Variants in DEDD2 observed in about 807,000 individuals in gnomAD.
DEDD2 encodes the protein DNA-binding death effector domain-containing protein 2.
A neutral mutation model predicts 28.9 loss-of-function variants in DEDD2; 18 were observed. That is an observed-to-expected ratio of 0.62 (90% CI 0.43 to 0.92). DEDD2 has a LOEUF of 0.92. DEDD2 is among the 40% of genes least tolerant of loss of function. DEDD2 has a pLI of 0.00. For synonymous variants in DEDD2, 211 were observed against 206.1 expected (o/e 1.02, Z -0.20); for missense variants, 411 against 463.3 (o/e 0.89, Z 1.04).
At chr19:42,215,055 CT>C (rs2035910757) in intron 3 of DEDD2, 77 bp downstream of exon 3, 8 of 1,584,350 alleles carry the variant, frequency 5.0e-6, no homozygotes, top group Non-Finnish European at 6.9e-6. Context: ...AGAATAACCC[CT>C]CAGGCCCCTT....
At chr19:42,210,639 C>G (rs1332744134) in intron 3 of DEDD2, among the ~76,000 whole-genome samples, 1 of 152,028 alleles carries the variant, frequency 6.6e-6, no homozygotes, top group African/African-American at 2.4e-5. Flanking sequence ...AGTGATCCAC[C>G]CGCCTCGGCC....
At position 42,215,183 on chromosome 19, in the gene DEDD2, C is replaced by A. The variant is rs535277377; in HGVS notation, c.398G>T (p.Arg133Leu). ...ATTTGCAGAACTGCTTGACTGCCGA[C>A]GGCGACGGCAGCTACCCTCTGTCCT... The part of the protein sequence containing the change: ...SKRTEGSCRR[R>L]RQSSSSANSQ... The change falls in exon 3 of 5, where the codon CGT becomes CTT. Residue 133 changes from arginine (R) to leucine (L), a missense_variant. Arg to Leu is a moderately radical substitution (Grantham distance 102). Around this residue, in one of 2 missense-constraint regions of DEDD2, gnomAD observed 282 missense variants for 273.4 expected, o/e 1.03. Coordinates refer to ENST00000596251, the MANE Select transcript of DEDD2 (RefSeq NM_133328.4). The A allele has an allele frequency of 3.1e-6, 5 of 1,614,098 alleles. No individual in the cohort carries two copies. The highest frequency in any genetic ancestry group is 8.5e-7 in the Non-Finnish European group (1 of 1,180,012).
intron 2 of DEDD2, among the ~76,000 whole-genome samples, chr19:42,216,152 T>G (rs1338320986): frequency 6.6e-6 from 1 of 152,218 alleles, no homozygotes; most frequent in Non-Finnish European, 1.5e-5. Context: ...CCTGACTCTC[T>G]CTATTCCATT....
At chr19:42,212,061 T>TAATAATAATAATAATAAA (rs888878115) in intron 3 of DEDD2, 7 of 147,464 alleles carry the variant, frequency 4.7e-5, no homozygotes, top group African/African-American at 1.8e-4. Context: ...ATAATAATAA[T>TAATAATAATAATAATAAA]AAATTAATTA....
rs1466436975 is a variant in DEDD2 at position 42,209,762 on chromosome 19, G to A, written c.527C>T (p.Pro176Leu). 1.2e-6 allele frequency: 2 copies of A among 1,602,408 alleles called. No individual in the cohort carries two copies. Among genetic ancestry groups the A allele is most frequent in the African/African-American group, 1.3e-5 (1 of 74,194 alleles). Reference sequence around the variant, plus strand: ...CTCTGACTGCTGCTGGGGTGCGGCTGGGGCCCCTCTCCGCCGCCGTCTGGC... The same window carrying A: ...CTCTGACTGCTGCTGGGGTGCGGCTAGGGCCCCTCTCCGCCGCCGTCTGGC... ...GGARRRRRGA[P>L]AAPQQQSEPA... Residue 176 changes from proline (P) to leucine (L), a missense_variant, in exon 4 of 5, where the codon CCA (proline) becomes CTA (leucine). Physicochemically the swap from Pro to Leu is moderately conservative, Grantham distance 98 (BLOSUM62 -3). Around this residue, in one of 2 missense-constraint regions of DEDD2, gnomAD observed 282 missense variants for 273.4 expected, o/e 1.03. Coordinates refer to ENST00000596251, the MANE Select transcript of DEDD2 (RefSeq NM_133328.4).
intron 4 of DEDD2, among the ~76,000 whole-genome samples, chr19:42,203,013 C>A (rs2035391958): frequency 6.6e-6 from 1 of 152,184 alleles, no homozygotes; most frequent in Admixed American, 6.5e-5. Flanking sequence ...ATCTGCTGAC[C>A]CCTTTGATTG....
At chr19:42,206,292 C>T (rs1204879877) in intron 4 of DEDD2, among the ~76,000 whole-genome samples, 1 of 152,010 alleles carries the variant, frequency 6.6e-6, no homozygotes, top group Non-Finnish European at 1.5e-5. Flanking sequence ...TCCACGCTGC[C>T]CTTGAGCACT....
chr19:42,206,692 T>C (rs2035548100), intron 4 of DEDD2, among the ~76,000 whole-genome samples: 1 of 152,134 alleles, frequency 6.6e-6, no homozygotes, highest in Non-Finnish European at 1.5e-5. Context: ...ACCACCAAGG[T>C]GTCCTTCCTC....
intron 3 of DEDD2, among the ~76,000 whole-genome samples, chr19:42,210,940 C>T (rs2035734679): frequency 6.6e-6 from 1 of 151,366 alleles, no homozygotes; most frequent in African/African-American, 2.4e-5. Flanking sequence ...CGTGGTGGCG[C>T]CTACCTGTAA....
chr19:42,215,392 G>T, intron 2 of DEDD2, 140 bp from the exon 3 acceptor site: 1 of 1,059,814 alleles, frequency 9.4e-7, no homozygotes, highest in Non-Finnish European at 1.4e-6. Context: ...AACACCTCCT[G>T]CAGAGGTTGC....
chr19:42,208,706 T>A (rs2035629831), intron 4 of DEDD2, among the ~76,000 whole-genome samples: 1 of 152,146 alleles, frequency 6.6e-6, no homozygotes, highest in Non-Finnish European at 1.5e-5. Context: ...GTGGCACTTA[T>A]CATTGTCTAA....
rs1304456244 is a variant in DEDD2, at chr19:42,217,003, G to A, written c.5C>T (p.Ala2Val). 7 of 1,581,800 alleles carry A rather than the reference G, an allele frequency of 4.4e-6. No individual in the cohort carries two copies. The highest frequency in any genetic ancestry group is 1.4e-5 in the African/African-American group (1 of 73,910). The change falls in exon 2 of 5, where the codon GCG (alanine) becomes GTG (valine). Residue 2 changes from alanine to valine, a missense_variant. Physicochemically the swap from Ala to Val is moderately conservative, Grantham distance 64. Around this residue, in one of 2 missense-constraint regions of DEDD2, gnomAD observed 282 missense variants for 273.4 expected, o/e 1.03. Transcript: ENST00000596251. Reference sequence around the variant, plus strand: ...CGGGGCCGGGGTCGACCCGGATAGCGCCATTCCCGGGGGAGGGAGGCGGAA... The same window carrying A: ...CGGGGCCGGGGTCGACCCGGATAGCACCATTCCCGGGGGAGGGAGGCGGAA... M[A>V]LSGSTPAPCW...
chr19:42,210,096 C>T (rs2146885389), intron 3 of DEDD2, among the ~76,000 whole-genome samples: 1 of 152,202 alleles, frequency 6.6e-6, no homozygotes, highest in South Asian at 2.1e-4. Context: ...TCCCTGCACA[C>T]TTACACCAGG....
chr19:42,211,503 G>C lies in DEDD2; in HGVS notation c.449-1663C>G, dbSNP rs538946193. On this transcript the variant is annotated intron_variant, in intron 3 of 4. Transcript: ENST00000596251. ...AGGGAGGGGATTGTATACATAATTG[G>C]TAACAGGAATACTCAGATGAAACAA... 1.9e-3 allele frequency among the ~76,000 whole-genome samples: 282 copies of C among 152,178 alleles called. 11 individuals are homozygous for C. The South Asian group carries it at 0.055, about 29-fold the overall frequency.
At chr19:42,208,186 G>A (rs1169361862) in intron 4 of DEDD2, among the ~76,000 whole-genome samples, 1 of 152,272 alleles carries the variant, frequency 6.6e-6, no homozygotes, top group East Asian at 1.9e-4. Context: ...AGTTGAGGCG[G>A]TGCTCATTGC....
At position 42,214,459 on chromosome 19, in the gene DEDD2, AAAC is replaced by A. The variant is rs925260264; in HGVS notation, c.448+671_448+673del. On this transcript the variant is annotated intron_variant, in intron 3 of 4. Coordinates refer to ENST00000596251, the MANE Select transcript of DEDD2 (RefSeq NM_133328.4). ...AGTGACAGAATGAGATTCTGCCTCAAAACAACAACAACAACTAGAGGTGGCTGG... is the reference window on the plus strand; with the variant it reads ...AGTGACAGAATGAGATTCTGCCTCAAAACAACAACAACTAGAGGTGGCTGG... Among the ~76,000 whole-genome samples the A allele has an allele frequency of 2.0e-3, 310 of 152,270 alleles. 6 individuals are homozygous for A. The highest frequency in any genetic ancestry group is 5.3e-4 in the Non-Finnish European group (36 of 68,014).
intron 2 of DEDD2, among the ~76,000 whole-genome samples, chr19:42,216,442 G>A (rs908116842): frequency 6.6e-6 from 1 of 152,232 alleles, no homozygotes; most frequent in Admixed American, 6.5e-5. Flanking sequence ...AGCTGTGCCT[G>A]GCATGAAACA....
In DEDD2 at chr19:42,216,730, A is replaced by G; in HGVS notation, c.278T>C (p.Leu93Pro). 1.3e-6 allele frequency: 2 copies of G among 1,591,012 alleles called. No individual in the cohort carries two copies. The highest frequency in any genetic ancestry group is 1.7e-6 in the Non-Finnish European group (2 of 1,171,524). The change falls in exon 2 of 5, where the codon CTG becomes CCG. Residue 93 changes from leucine (L) to proline (P), a missense_variant. Physicochemically the swap from Leu to Pro is moderately conservative, Grantham distance 98. Around this residue, in one of 2 missense-constraint regions of DEDD2, gnomAD observed 282 missense variants for 273.4 expected, o/e 1.03. Transcript: ENST00000596251. ...LRLLGQLLRV[L>P]ARHDLLPHLA... Reference sequence around the variant, plus strand: ...GTGCGGCAGCAGGTCGTGGCGGGCCAGCACGCGCAGGAGTTGCCCCAGCAG... The same window carrying G: ...GTGCGGCAGCAGGTCGTGGCGGGCCGGCACGCGCAGGAGTTGCCCCAGCAG...
chr19:42,219,532 G>A (rs1389105315), upstream of DEDD2, among the ~76,000 whole-genome samples: 1 of 152,290 alleles, frequency 6.6e-6, no homozygotes, highest in East Asian at 1.9e-4. Context: ...AACCCGGGAG[G>A]CGGAGGTTGC....
Sources: gnomAD v4.1 joint callset for allele counts (sites outside exome capture counted in the v4.1 genomes callset) on GRCh38, gnomAD v4.1.1 for gene constraint, gnomAD v4.1.1 regional missense constraint, MANE v1.5 for transcripts, NCBI Gene and HGNC (gene_info 2026-07-23, HGNC 2026-07-21) for gene names.